Variants in COL4A1 observed in about 807,000 individuals in gnomAD.
COL4A1 encodes collagen alpha-1(IV) chain.
Under a neutral mutation model 216.6 loss-of-function variants are expected in COL4A1, and 40 were observed. That is an observed-to-expected ratio of 0.18 (90% confidence interval 0.14 to 0.24). The LOEUF is 0.24. Among genes scored for constraint, COL4A1 ranks in the 10% least tolerant of loss-of-function variants. The pLI is 1.00. For synonymous variants in COL4A1, 839 were observed against 810.7 expected, an observed-to-expected ratio of 1.03 and a Z score of -0.59; for missense variants, 1,628 against 2,196.8, an observed-to-expected ratio of 0.74 and a Z score of 5.18.
At chr13:110,179,528 TA>T in intron 29 of COL4A1, 107 bp from the exon 30 acceptor site, 1 of 1,498,340 alleles carries the variant, frequency 6.7e-7, no homozygotes, top group Non-Finnish European at 9.3e-7. Context: ...ATGCATTTAG[TA>T]AGAATATTAT....
At chr13:110,176,141 T>C (rs1161602707) in intron 36 of COL4A1, among the ~76,000 whole-genome samples, 1 of 152,234 alleles carries the variant, frequency 6.6e-6, no homozygotes, top group East Asian at 1.9e-4. Flanking sequence ...AGGGAGATCC[T>C]AGACAAGGGG....
intron 2 of COL4A1, among the ~76,000 whole-genome samples, chr13:110,219,792 G>A (rs1275299926): frequency 1.4e-5 from 2 of 138,316 alleles, no homozygotes; most frequent in African/African-American, 5.3e-5. Context: ...GTATATATGT[G>A]TATATATGTA....
At chr13:110,257,626 T>C (rs1882636313) in intron 1 of COL4A1, among the ~76,000 whole-genome samples, 1 of 152,216 alleles carries the variant, frequency 6.6e-6, no homozygotes, top group Non-Finnish European at 1.5e-5. Context: ...CAGGACCCTG[T>C]GAGACACTGT....
intron 1 of COL4A1, among the ~76,000 whole-genome samples, chr13:110,277,595 G>A (rs530843791): frequency 6.6e-6 from 1 of 152,294 alleles, no homozygotes; most frequent in East Asian, 1.9e-4. Context: ...CGGGTGATGG[G>A]CATCCACCAG....
chr13:110,239,547 T>C (rs1881464901), intron 2 of COL4A1, among the ~76,000 whole-genome samples: 1 of 152,230 alleles, frequency 6.6e-6, no homozygotes, highest in African/African-American at 2.4e-5. Flanking sequence ...CATTTGAGAA[T>C]ATCAAAATAA....
At chr13:110,219,943 T>C (rs1010364563) in intron 2 of COL4A1, among the ~76,000 whole-genome samples, 28 of 100,096 alleles carry the variant, frequency 2.8e-4, no homozygotes, top group African/African-American at 8.4e-4. Flanking sequence ...TATGTGTGTG[T>C]ATATATACAC....
chr13:110,264,491 A>G (rs1011549442), intron 1 of COL4A1, among the ~76,000 whole-genome samples: 12 of 152,186 alleles, frequency 7.9e-5, no homozygotes, highest in African/African-American at 1.2e-4. Context: ...AAGATAAGGG[A>G]AAAAAGGAGG....
chr13:110,270,812 C>CT (rs1883219540), intron 1 of COL4A1, among the ~76,000 whole-genome samples: 1 of 152,156 alleles, frequency 6.6e-6, no homozygotes, highest in Admixed American at 6.5e-5. Context: ...AAAGACACCA[C>CT]AGTAGCAATG....
At chr13:110,167,449 T>G (rs1329635826) in intron 43 of COL4A1, among the ~76,000 whole-genome samples, 2 of 152,168 alleles carry the variant, frequency 1.3e-5, no homozygotes, top group African/African-American at 4.8e-5. Flanking sequence ...TTCCCTCCCA[T>G]GTATCTCCTC....
intron 1 of COL4A1, among the ~76,000 whole-genome samples, chr13:110,275,902 A>G (rs1883409666): frequency 6.6e-6 from 1 of 152,164 alleles, no homozygotes; most frequent in African/African-American, 2.4e-5. Context: ...CAGGGGTCAG[A>G]GGTAAGGGGG....
At chr13:110,222,771 T>TAAAAAAAAAAAAAAAAAAAAAAAA (rs751501177) in intron 2 of COL4A1, among the ~76,000 whole-genome samples, 2 of 93,404 alleles carry the variant, frequency 2.1e-5, no homozygotes, top group African/African-American at 3.9e-5. Flanking sequence ...AGACTCTGCT[T>TAAAAAAAAAAAAAAAAAAAAAAAA]TAAAAAAAAA....
Position 110,170,720 on chromosome 13 carries a change from T to C in COL4A1, c.3569A>G (p.Glu1190Gly), listed in dbSNP as rs773217097. Residue 1190 changes from glutamate to glycine, a missense_variant, in exon 42 of 52, where the codon GAG (glutamate) becomes GGG (glycine). By Grantham distance (98) the Glu-to-Gly change is moderately conservative. Coordinates refer to ENST00000375820, the MANE Select transcript of COL4A1 (RefSeq NM_001845.6). ...GAKGDKGSKG[E>G]VGFPGLAGSP... ...CCCGGCTAATCCTGGGAAACCCACC[T>C]CACCCTTTGAACCTGAACAAGAAAA... 2.5e-6 allele frequency: 4 copies of C among 1,614,200 alleles called. No individual in the cohort carries two copies. Among genetic ancestry groups the C allele is most frequent in the Non-Finnish European group, 3.4e-6 (4 of 1,180,040 alleles).
In COL4A1 at chr13:110,307,034, G is replaced by A. The variant is rs1208947834; in HGVS notation, c.-7C>T. On this transcript the variant is annotated 5_prime_UTR_variant, in exon 1 of 52. Coordinates refer to ENST00000375820, the MANE Select transcript of COL4A1 (RefSeq NM_001845.6). This position sits in a 1 kb window ranked among gnomAD's most constrained non-coding sequence, Gnocchi z 5.0. ...CGCTGAGCCGGGGCCCCATGGTGGCGCGCCCGAGGCGGCGAGGGACGGCTG... is the reference window on the plus strand; with the variant it reads ...CGCTGAGCCGGGGCCCCATGGTGGCACGCCCGAGGCGGCGAGGGACGGCTG... 6.9e-7 allele frequency: 1 copy of A among 1,458,624 alleles called. No individual in the cohort carries two copies. The highest frequency in any genetic ancestry group is 1.5e-5 in the African/African-American group (1 of 68,026). The allele number at this position is 1,458,624 out of a possible 1,614,324, so 90.4% of individuals were successfully genotyped here. A position where few individuals can be genotyped will look rare whatever the true frequency, so the allele number is the denominator to read the frequency against.
chr13:110,201,542 G>A lies in COL4A1; in HGVS notation c.1000-20C>T, dbSNP rs1566370258. The A allele has an allele frequency of 6.2e-7, 1 of 1,607,328 alleles. No homozygotes were observed. Among genetic ancestry groups the A allele is most frequent in the Non-Finnish European group, 8.5e-7 (1 of 1,173,798 alleles). ...TATAACCTGAATCGAGAAGGAAAAGGTGATCATCCCGTGGCATGGGAATGG... is the reference window on the plus strand; with the variant it reads ...TATAACCTGAATCGAGAAGGAAAAGATGATCATCCCGTGGCATGGGAATGG... On this transcript the variant is annotated intron_variant, in intron 18 of 51. Transcript: ENST00000375820.
At chr13:110,203,699 G>T (rs1171820581) in intron 17 of COL4A1, 92 bp from the exon 18 acceptor site, 2 of 1,328,268 alleles carry the variant, frequency 1.5e-6, no homozygotes, top group African/African-American at 1.5e-5. Flanking sequence ...GTAAAATAGA[G>T]TGTGCCTACA....
Position 110,198,350 on chromosome 13 carries a change from C to T in COL4A1, c.1285+117G>A. On this transcript the variant is annotated intron_variant, in intron 21 of 51. Transcript: ENST00000375820. ...GAGGAATATGGATGATTAGAAGAAT[C>T]CACGCCTTTCTATTACACTCTGGCT... 3 of 1,073,700 alleles carry T rather than the reference C, an allele frequency of 2.8e-6. No individual in the cohort carries two copies. In the South Asian group the frequency reaches 4.2e-5, roughly 15 times the overall value. 66.5% of individuals were successfully genotyped at this position (1,073,700 alleles called of 1,614,324 possible).
chr13:110,248,360 C>G (rs1283344357), intron 1 of COL4A1, among the ~76,000 whole-genome samples: 1 of 67,818 alleles, frequency 1.5e-5, no homozygotes, highest in African/African-American at 6.2e-5. Flanking sequence ...CAGCCGCCTC[C>G]GCTGTAGCTG....
chr13:110,200,321 C>T (rs781030882), intron 20 of COL4A1, among the ~76,000 whole-genome samples: 5 of 152,164 alleles, frequency 3.3e-5, no homozygotes, highest in Non-Finnish European at 4.4e-5. Context: ...CAGGTTGGCA[C>T]GTCTGGAGTG....
chr13:110,183,497 A>T (rs1347099086), intron 26 of COL4A1, among the ~76,000 whole-genome samples: 1 of 152,114 alleles, frequency 6.6e-6, no homozygotes, highest in Non-Finnish European at 1.5e-5. Context: ...GTCCAAAATG[A>T]CCAAGATGTT....
Sources: allele counts gnomAD v4.1 joint callset (sites outside exome capture counted in the v4.1 genomes callset), GRCh38; gene constraint gnomAD v4.1.1; non-coding constraint Gnocchi (gnomAD v3.1); transcripts MANE v1.5; gene names NCBI Gene and HGNC (gene_info 2026-07-23, HGNC 2026-07-21).